The following PER3 variants were observed in gnomAD, a reference collection of about 807,000 sequenced individuals.
The protein encoded by PER3 is period circadian protein homolog 3.
PER3 carries 107 observed loss-of-function variants against 127.2 expected under a neutral mutation model. The observed-to-expected ratio is 0.84, with a 90% confidence interval of 0.72 to 0.99. The LOEUF (loss-of-function observed/expected upper bound fraction) is 0.99, where lower values mean the gene tolerates loss of function less well. Ranked by LOEUF, PER3 falls within the 50% of genes least tolerant of loss-of-function variation. The pLI is 0.00. For synonymous variants in PER3, 618 were observed against 585.8 expected (o/e 1.05, Z -0.79); for missense variants, 1,560 against 1,525.8 (o/e 1.02, Z -0.37).
intron 6 of PER3, among the ~76,000 whole-genome samples, chr1:7,796,667 C>T (rs931636558): frequency 1.5e-4 from 22 of 150,692 alleles, no homozygotes; most frequent in African/African-American, 5.3e-4. Context: ...GTTGAAGATA[C>T]TTTGGAGGGG....
At chr1:7,788,460 A>G (rs1450825614) in intron 5 of PER3, 1 of 561,022 alleles carries the variant, frequency 1.8e-6, no homozygotes, top group Non-Finnish European at 3.2e-6. Flanking sequence ...CATCTGTTTC[A>G]CAGATGATAT....
chr1:7,784,623 G>C, intron 1 of PER3, 31 bp from the exon 2 acceptor site: 1 of 370,314 alleles, frequency 2.7e-6, no homozygotes, highest in East Asian at 4.4e-5. Context: ...TGTTCCATTT[G>C]TCCCTTGTCA....
At position 7,835,874 on chromosome 1, in the gene PER3, C is replaced by T. The variant is rs774727891; in HGVS notation, c.3327C>T (p.Ala1109=). The stretch of plus-strand genomic sequence containing the variant: ...AAAAAGAAACATTTCCTAATGTCGC[C>T]GAAGAGCCCATCTGGAGAATGATAC... ...VQKKETFPNV[A]EEPIWRMIRQ... Residue 1109 remains alanine (A), a synonymous_variant, in exon 20 of 22, where the codon GCC becomes GCT. Transcript: ENST00000377532. The T allele has an allele frequency of 8.1e-6, 13 of 1,611,512 alleles. No individual in the cohort carries two copies. The highest frequency in any genetic ancestry group is 1.6e-4 in the Middle Eastern group (1 of 6,082).
In PER3 at chr1:7,784,990, C is replaced by T. The variant is rs748036462; in HGVS notation, c.113C>T (p.Ala38Val). Residue 38 changes from alanine (A) to valine (V), a missense_variant, in exon 2 of 22, where the codon GCG becomes GTG. Around this residue, in one of 3 missense-constraint regions of PER3, gnomAD observed 1,332 missense variants for 1,223.6 expected, o/e 1.09. Coordinates refer to ENST00000377532, the MANE Select transcript of PER3 (RefSeq NM_001377275.1). ...SPEFHLQRKL[A>V]DSSHSEQQDR... ...GAGTTCCATCTGCAGAGGAAATTGGCGGACAGCAGCCACAGGTGACGCGCT... is the reference window on the plus strand; with the variant it reads ...GAGTTCCATCTGCAGAGGAAATTGGTGGACAGCAGCCACAGGTGACGCGCT... 1.4e-5 allele frequency: 22 copies of T among 1,568,112 alleles called. No individual in the cohort carries two copies. The highest frequency in any genetic ancestry group is 1.9e-5 in the Non-Finnish European group (22 of 1,164,134).
chr1:7,812,234 A>G (rs1004042769), intron 13 of PER3, among the ~76,000 whole-genome samples: 2 of 151,150 alleles, frequency 1.3e-5, no homozygotes, highest in African/African-American at 2.4e-5. Flanking sequence ...GTTTCTTATC[A>G]TCGACCATGG....
intron 19 of PER3, 111 bp downstream of exon 19, chr1:7,830,272 T>C (rs2097325114): frequency 1.0e-6 from 1 of 966,664 alleles, no homozygotes; most frequent in Non-Finnish European, 1.5e-6. Context: ...GGTTTTTTTT[T>C]CTTTTTCCCT....
chr1:7,789,001 A>G (rs1267916638), intron 5 of PER3, among the ~76,000 whole-genome samples: 2 of 151,856 alleles, frequency 1.3e-5, no homozygotes, highest in Non-Finnish European at 2.9e-5. Flanking sequence ...TCCTTCTGGA[A>G]TGCTTTTCTT....
At chr1:7,828,698 A>G (rs1577917154) in intron 18 of PER3, among the ~76,000 whole-genome samples, 1 of 152,246 alleles carries the variant, frequency 6.6e-6, no homozygotes, top group African/African-American at 2.4e-5. Context: ...GTCACTAGTT[A>G]GGAAGATTCA....
intron 5 of PER3, 74 bp from the exon 6 acceptor site, chr1:7,793,883 T>A (rs966699553): frequency 7.3e-6 from 9 of 1,224,534 alleles, no homozygotes; most frequent in Non-Finnish European, 1.1e-5. Flanking sequence ...TGTTGTTTGA[T>A]AATGGTGCAA....
chr1:7,834,029 TCTC>T (rs1397809729), intron 19 of PER3, among the ~76,000 whole-genome samples: 2 of 151,994 alleles, frequency 1.3e-5, no homozygotes, highest in South Asian at 2.1e-4. Context: ...TTCAAGCAAT[TCTC>T]CTGCCTCTAC....
At chr1:7,792,042 T>TC (rs1430229456) in intron 5 of PER3, among the ~76,000 whole-genome samples, 1 of 152,200 alleles carries the variant, frequency 6.6e-6, no homozygotes, top group African/African-American at 2.4e-5. Flanking sequence ...TTTTTGGGTA[T>TC]CTATGGCAGC....
chr1:7,801,461 A>T (rs763149396), intron 8 of PER3, among the ~76,000 whole-genome samples: 8 of 152,156 alleles, frequency 5.3e-5, no homozygotes, highest in Non-Finnish European at 1.0e-4. Context: ...AAGACAATGA[A>T]CCCACCGGCC....
At chr1:7,817,944 A>C (rs970847228) in intron 13 of PER3, among the ~76,000 whole-genome samples, 1 of 152,204 alleles carries the variant, frequency 6.6e-6, no homozygotes, top group African/African-American at 2.4e-5. Context: ...CATGTTAACC[A>C]ATGAACAAGG....
rs2097302289 is a variant in PER3 at position 7,826,530 on chromosome 1, G to C, written c.2008G>C (p.Ala670Pro). 6.2e-7 allele frequency: 1 copy of C among 1,614,004 alleles called. No individual in the cohort carries two copies. The change falls in exon 17 of 22, where the codon GCC (alanine) becomes CCC (proline). Residue 670 changes from alanine to proline, a missense_variant. Ala to Pro is a conservative substitution (Grantham distance 27, BLOSUM62 -1). This residue lies in a region of PER3 where 1,332 missense variants were observed against 1,223.6 expected (regional missense o/e 1.09). Transcript: ENST00000377532. The surrounding 1 kb of genome is among the most constrained non-coding windows in gnomAD (Gnocchi z 4.2). ...CEPWTLNMQP[A>P]PLTSEEFKHV... ...GCCCTGGACCCTGAACATGCAGCCA[G>C]CCCCTTTGACCTCGGAAGAATTTAA...
At chr1:7,807,198 T>C (rs2097198861) in intron 10 of PER3, among the ~76,000 whole-genome samples, 1 of 152,114 alleles carries the variant, frequency 6.6e-6, no homozygotes, top group South Asian at 2.1e-4. Context: ...ATAAAACGTA[T>C]AGTGTGTCAA....
At chr1:7,823,006 G>A (rs548217626) in intron 16 of PER3, among the ~76,000 whole-genome samples, 11 of 152,236 alleles carry the variant, frequency 7.2e-5, no homozygotes, top group South Asian at 4.1e-4. Flanking sequence ...TCTTGGGTTC[G>A]TTGCTACAGT....
rs145730470 is a variant in PER3, at chr1:7,830,157, A to G, written c.3210A>G (p.Ala1070=). The change falls in exon 19 of 22, where the codon GCA becomes GCG. Residue 1070 remains alanine (A), a synonymous_variant. Coordinates refer to ENST00000377532, the MANE Select transcript of PER3 (RefSeq NM_001377275.1). ...SESPSRTGSA[A]SGSSDSSIYL... ...CCCCATCCAGAACTGGTTCAGCAGC[A>G]TCAGGTAGTGGATCAGGACAACTAA... 9.3e-6 allele frequency: 15 copies of G among 1,613,284 alleles called. No homozygotes were observed. Among genetic ancestry groups the G allele is most frequent in the Non-Finnish European group, 1.3e-5 (15 of 1,179,256 alleles).
chr1:7,827,287 G>A lies in PER3; in HGVS notation c.2358G>A (p.Pro786=), dbSNP rs151013259. ...QPCCPSAASS[P]HTSSPTFPPA... The stretch of plus-strand genomic sequence containing the variant: ...GCTGCCCCTCCGCGGCCTCCTCTCC[G>A]CACACCTCGAGCCCGACCTTCCCAC... The change falls in exon 18 of 22, where the codon CCG becomes CCA. Residue 786 remains proline (P), a synonymous_variant. Transcript: ENST00000377532. The A allele has an allele frequency of 4.3e-6, 7 of 1,613,678 alleles. No homozygotes were observed. The East Asian group carries it at 8.9e-5, about 21-fold the overall frequency.
chr1:7,790,787 G>A (rs1249342269), intron 5 of PER3, among the ~76,000 whole-genome samples: 2 of 152,126 alleles, frequency 1.3e-5, no homozygotes, highest in African/African-American at 4.8e-5. Flanking sequence ...TTTCAAATGG[G>A]AGAAATTGGC....
Sources: gnomAD v4.1 joint callset for allele counts (sites outside exome capture counted in the v4.1 genomes callset) on GRCh38, gnomAD v4.1.1 for gene constraint, gnomAD v4.1.1 regional missense constraint, Gnocchi (gnomAD v3.1) non-coding constraint, MANE v1.5 for transcripts, NCBI Gene and HGNC (gene_info 2026-07-23, HGNC 2026-07-21) for gene names.